ZRSR2: variants seen among roughly 807,000 people sequenced by gnomAD.
ZRSR2 encodes zinc finger CCCH-type, RNA binding motif and serine/arginine rich 2, also known as U2 small nuclear ribonucleoprotein auxiliary factor 35 kDa subunit-related protein 2.
ZRSR2 carries 3 observed loss-of-function variants against 39.4 expected under a neutral mutation model. The ratio of observed to expected loss-of-function variants is 0.08; its 90% CI spans 0.03 to 0.20. ZRSR2 has a LOEUF of 0.20. Among genes scored for constraint, ZRSR2 ranks in the 10% least tolerant of loss-of-function variants. The pLI is 1.00. For synonymous variants in ZRSR2, 137 were observed against 136.0 expected (o/e 1.01, Z -0.05); for missense variants, 256 against 391.5 (o/e 0.65, Z 2.92).
chrX:15,803,565 A>C (rs1932739176), intron 3 of ZRSR2, 123 bp from the exon 4 acceptor site: 2 of 933,162 alleles, frequency 2.1e-6, no homozygotes, highest in African/African-American at 3.9e-5. Context: ...TGACTGCTTT[A>C]ATAGAAAATA....
rs149584183 is a variant in ZRSR2, at chrX:15,814,046, T to C, written c.558-1631T>C. Among the ~76,000 whole-genome samples the C allele has an allele frequency of 4.0e-3, 417 of 103,406 alleles. 1 individual carries two copies. Among genetic ancestry groups the C allele is most frequent in the African/African-American group, 0.014 (402 of 28,151 alleles). The allele number at this position is 103,406 out of a possible 115,157, so 89.8% of individuals were successfully genotyped here. On this transcript the variant is annotated intron_variant, in intron 7 of 10. Coordinates refer to ENST00000307771, the MANE Select transcript of ZRSR2 (RefSeq NM_005089.4). ...AACACGTCCTATTCTTCAACTTTCT[T>C]TCTTCCTAAATTCTGTGGACTCCCC...
At chrX:15,814,184 A>G (rs1324146083) in intron 7 of ZRSR2, among the ~76,000 whole-genome samples, 1 of 110,619 alleles carries the variant, frequency 9.0e-6, no homozygotes, top group Non-Finnish European at 1.9e-5. Flanking sequence ...TCCACATTGT[A>G]TGTTAGGAGA....
intron 8 of ZRSR2, among the ~76,000 whole-genome samples, chrX:15,817,146 G>T (rs2147289563): frequency 8.9e-6 from 1 of 111,873 alleles, no homozygotes; most frequent in South Asian, 3.7e-4. Context: ...GTAATGGGAG[G>T]GCTGCTTTCA....
chrX:15,810,534 G>C (rs1480020905), intron 7 of ZRSR2, among the ~76,000 whole-genome samples: 1 of 111,560 alleles, frequency 9.0e-6, no homozygotes, highest in African/African-American at 3.3e-5. Flanking sequence ...TATCCATGCT[G>C]TGAGGTTTTT....
chrX:15,791,039 T>C (rs369150396), intron 2 of ZRSR2, 26 bp downstream of exon 2: 4 of 1,180,153 alleles, frequency 3.4e-6, no homozygotes, highest in Non-Finnish European at 4.6e-6. Context: ...TTCTGTTTTC[T>C]GTGTTGTGAA....
chrX:15,813,604 T>C lies in ZRSR2; in HGVS notation c.558-2073T>C, dbSNP rs762287385. Among the ~76,000 whole-genome samples the C allele has an allele frequency of 2.7e-5, 3 of 112,391 alleles. No individual in the cohort carries two copies. In the East Asian group the frequency reaches 8.3e-4, roughly 31 times the overall value. ...TTGGTTCTATTCCAAAACTGACAAATGCTTATTTGACATCCTGGGAACTAG... is the reference window on the plus strand; with the variant it reads ...TTGGTTCTATTCCAAAACTGACAAACGCTTATTTGACATCCTGGGAACTAG... On this transcript the variant is annotated intron_variant, in intron 7 of 10. Transcript: ENST00000307771.
At position 15,808,285 on chromosome X, in the gene ZRSR2, C is replaced by G; in HGVS notation, c.438+14C>G. 8.5e-7 allele frequency: 1 copy of G among 1,182,079 alleles called. No homozygotes were observed. Among genetic ancestry groups the G allele is most frequent in the South Asian group, 1.8e-5 (1 of 54,213 alleles). On this transcript the variant is annotated intron_variant, in intron 6 of 10. Transcript: ENST00000307771. The stretch of plus-strand genomic sequence containing the variant: ...GCTGAAAATGAGGTATTTTTAAAAC[C>G]TTACATTGATAATTTGAGACCAATT...
At chrX:15,807,000 A>G (rs201892740) in intron 5 of ZRSR2, among the ~76,000 whole-genome samples, 8 of 111,893 alleles carry the variant, frequency 7.1e-5, no homozygotes, top group Non-Finnish European at 9.4e-5. Context: ...CAGGGAGTGT[A>G]GAGGACAAGA....
chrX:15,820,405 G>T, intron 10 of ZRSR2, 89 bp downstream of exon 10: 3 of 876,184 alleles, frequency 3.4e-6, no homozygotes, highest in Non-Finnish European at 5.0e-6. Context: ...ATTTTCAAGT[G>T]GTGAGGCATA....
intron 10 of ZRSR2, among the ~76,000 whole-genome samples, chrX:15,822,322 G>C (rs890090162): frequency 1.8e-5 from 2 of 110,166 alleles, no homozygotes; most frequent in African/African-American, 3.3e-5. Context: ...GTTCTGGCCT[G>C]TTTCCTCCAT....
At position 15,797,208 on chromosome X, in the gene ZRSR2, C is replaced by CT. The variant is rs150083525; in HGVS notation, c.122-2645dup. Among the ~76,000 whole-genome samples the CT allele has an allele frequency of 9.8e-3, 939 of 95,661 alleles. 10 individuals carry two copies. Among genetic ancestry groups the CT allele is most frequent in the African/African-American group, 0.02 (531 of 26,228 alleles). The allele number at this position is 95,661 out of a possible 115,157, so 83.1% of individuals were successfully genotyped here. A position where few individuals can be genotyped will look rare whatever the true frequency, so the allele number is the denominator to read the frequency against. On this transcript the variant is annotated intron_variant, in intron 2 of 10. Transcript: ENST00000307771. ...TATTGCTTAACAGTATCTGCATTAA[C>CT]TTTTTTTTTTTTTTTTTTTGAGACG... is the stretch of plus-strand genomic sequence containing the variant.
chrX:15,810,080 C>T (rs1446121308), intron 7 of ZRSR2, among the ~76,000 whole-genome samples: 1 of 111,797 alleles, frequency 8.9e-6, no homozygotes, highest in Admixed American at 9.5e-5. Flanking sequence ...AATGAGCACA[C>T]ACACCCGTAG....
intron 4 of ZRSR2, 26 bp from the exon 5 acceptor site, chrX:15,804,083 CAA>C (rs777734000): frequency 2.6e-5 from 29 of 1,133,271 alleles, no homozygotes; most frequent in Non-Finnish European, 3.4e-5. Flanking sequence ...GTGACTGAAA[CAA>C]AGTTACTTTT....
At chrX:15,791,653 CTTTTTTTTTTT>C (rs144343422) in intron 2 of ZRSR2, among the ~76,000 whole-genome samples, 12 of 60,872 alleles carry the variant, frequency 2.0e-4, no homozygotes, top group African/African-American at 7.1e-4. Flanking sequence ...CTTTTCTTTT[CTTTTTTTTTTT>C]TTTTTTTTTT....
intron 2 of ZRSR2, among the ~76,000 whole-genome samples, chrX:15,799,631 T>A (rs1932599384): frequency 9.0e-6 from 1 of 110,678 alleles, no homozygotes; most frequent in African/African-American, 3.3e-5. Flanking sequence ...ATTTCCTTTT[T>A]AAGTATAATT....
chrX:15,808,297 A>G, intron 6 of ZRSR2, 26 bp downstream of exon 6: 1 of 1,152,571 alleles, frequency 8.7e-7, no homozygotes. Flanking sequence ...TACATTGATA[A>G]TTTGAGACCA....
intron 5 of ZRSR2, among the ~76,000 whole-genome samples, chrX:15,807,605 T>C (rs1932814473): frequency 9.0e-6 from 1 of 110,619 alleles, no homozygotes; most frequent in Admixed American, 9.7e-5. Context: ...TTGTGTTTTA[T>C]ATTCACTAAT....
chrX:15,815,248 C>G (rs187332902), intron 7 of ZRSR2, among the ~76,000 whole-genome samples: 1 of 112,916 alleles, frequency 8.9e-6, no homozygotes, highest in African/African-American at 3.2e-5. Flanking sequence ...TAAGTCAAAA[C>G]AACTAAATTA....
rs773809899 is a variant in ZRSR2 at position 15,815,743 on chromosome X, G to A, written c.624G>A (p.Thr208=). The part of the protein sequence containing the change: ...PTLLIKSMFT[T]FGMEQCRRDD... Reference sequence around the variant, plus strand: ...TTCTTATTAAGAGCATGTTTACGACGTTTGGAATGGAGCAGTGCAGGAGGG... The same window carrying A: ...TTCTTATTAAGAGCATGTTTACGACATTTGGAATGGAGCAGTGCAGGAGGG... Residue 208 remains threonine, a synonymous_variant, in exon 8 of 11, where the codon ACG becomes ACA. Transcript: ENST00000307771. 1.7e-5 allele frequency: 20 copies of A among 1,209,217 alleles called. No individual in the cohort carries two copies. The highest frequency in any genetic ancestry group is 7.1e-5 in the South Asian group (4 of 56,653).
Sources: gnomAD v4.1 joint callset for allele counts (sites outside exome capture counted in the v4.1 genomes callset) on GRCh38, gnomAD v4.1.1 for gene constraint, MANE v1.5 for transcripts, NCBI Gene and HGNC (gene_info 2026-07-23, HGNC 2026-07-21) for gene names.